Variants in FRMD4A observed in about 807,000 individuals in gnomAD.
FRMD4A encodes FERM domain-containing protein 4A.
In FRMD4A, 29 loss-of-function variants were observed where a neutral mutation model predicts 129.1. The ratio of observed to expected loss-of-function variants is 0.22; its 90% CI spans 0.17 to 0.31. The LOEUF (loss-of-function observed/expected upper bound fraction) is 0.31. Among genes scored for constraint, FRMD4A ranks in the 10% least tolerant of loss-of-function variants. The pLI is 1.00. For synonymous variants in FRMD4A, 634 were observed against 571.6 expected, an observed-to-expected ratio of 1.11 and a Z score of -1.56; for missense variants, 1,272 against 1,375.8, an observed-to-expected ratio of 0.92 and a Z score of 1.19.
intron 2 of FRMD4A, among the ~76,000 whole-genome samples, chr10:13,997,362 C>A (rs192959090): frequency 6.6e-6 from 1 of 152,292 alleles, no homozygotes; most frequent in East Asian, 1.9e-4. Flanking sequence ...GTGTCCAGGA[C>A]TGACCTTAGG....
intron 18 of FRMD4A, among the ~76,000 whole-genome samples, chr10:13,664,956 C>T (rs2082904374): frequency 6.6e-6 from 1 of 152,194 alleles, no homozygotes; most frequent in Non-Finnish European, 1.5e-5. Flanking sequence ...AATCTCAGCT[C>T]ACTGCAACCT....
At chr10:14,180,586 A>G (rs1314165489) in intron 2 of FRMD4A, among the ~76,000 whole-genome samples, 1 of 152,246 alleles carries the variant, frequency 6.6e-6, no homozygotes, top group African/African-American at 2.4e-5. Context: ...CTACATCAGC[A>G]AAACTCTACA....
intron 2 of FRMD4A, among the ~76,000 whole-genome samples, chr10:14,086,256 A>C (rs951719101): frequency 6.6e-6 from 1 of 152,208 alleles, no homozygotes; most frequent in Non-Finnish European, 1.5e-5. Context: ...GGTAATAAAA[A>C]AAATCTTTCA....
At chr10:14,285,588 T>A (rs922529311) in intron 2 of FRMD4A, among the ~76,000 whole-genome samples, 6 of 152,240 alleles carry the variant, frequency 3.9e-5, no homozygotes, top group Non-Finnish European at 8.8e-5. Context: ...TACCACATGC[T>A]GTGAGACTAT....
chr10:13,817,977 T>C (rs1421127201), intron 3 of FRMD4A, among the ~76,000 whole-genome samples: 1 of 152,202 alleles, frequency 6.6e-6, no homozygotes, highest in Non-Finnish European at 1.5e-5. Context: ...TATCAAGCTC[T>C]AAATGCTAGC....
chr10:13,913,513 G>A (rs570850455), intron 2 of FRMD4A, among the ~76,000 whole-genome samples: 17 of 152,272 alleles, frequency 1.1e-4, no homozygotes, highest in East Asian at 5.8e-4. Context: ...TTCAGGCCAC[G>A]TCTTTTGATC....
At chr10:13,715,596 A>C (rs2088701000) in intron 12 of FRMD4A, among the ~76,000 whole-genome samples, 1 of 152,138 alleles carries the variant, frequency 6.6e-6, no homozygotes, top group African/African-American at 2.4e-5. Context: ...GGTGCCTGGT[A>C]CATAGTGCTG....
chr10:13,808,358 G>GTTTT (rs2093392199), intron 4 of FRMD4A, among the ~76,000 whole-genome samples: 1 of 152,166 alleles, frequency 6.6e-6, no homozygotes, highest in Admixed American at 6.5e-5. Context: ...TGCAGAATTA[G>GTTTT]AAAACACGGT....
chr10:13,748,726 A>G (rs984965667), intron 8 of FRMD4A, among the ~76,000 whole-genome samples: 2 of 152,026 alleles, frequency 1.3e-5, no homozygotes, highest in African/African-American at 4.8e-5. Context: ...TTTGAGTGCC[A>G]ACATGACGCT....
intron 2 of FRMD4A, among the ~76,000 whole-genome samples, chr10:13,936,654 T>C (rs2095251632): frequency 6.6e-6 from 1 of 152,204 alleles, no homozygotes; most frequent in Admixed American, 6.5e-5. Flanking sequence ...CCCACCTTGA[T>C]CTTGGACTTC....
chr10:14,201,552 C>A (rs558600870), intron 2 of FRMD4A, among the ~76,000 whole-genome samples: 10 of 152,292 alleles, frequency 6.6e-5, no homozygotes, highest in African/African-American at 2.4e-4. Flanking sequence ...CTCTCCCATT[C>A]GCTTTTCTGC....
intron 2 of FRMD4A, among the ~76,000 whole-genome samples, chr10:14,178,438 T>A (rs1841804989): frequency 1.3e-5 from 2 of 152,250 alleles, no homozygotes; most frequent in African/African-American, 4.8e-5. Flanking sequence ...GATAAACATT[T>A]ACAAAATGGA....
intron 2 of FRMD4A, among the ~76,000 whole-genome samples, chr10:13,869,770 C>T (rs1043752697): frequency 5.9e-5 from 9 of 152,176 alleles, no homozygotes; most frequent in African/African-American, 1.2e-4. Flanking sequence ...TTTCTGAAAA[C>T]GGGATTTTCT....
At chr10:13,780,412 C>T (rs2092705235) in intron 6 of FRMD4A, among the ~76,000 whole-genome samples, 1 of 152,008 alleles carries the variant, frequency 6.6e-6, no homozygotes, top group African/African-American at 2.4e-5. Flanking sequence ...GAGGTGTGTG[C>T]TGTAAAGGGG....
rs1002476372 is a variant in FRMD4A, at chr10:13,822,765, A to T, written c.112-11857T>A. Reference sequence around the variant, plus strand: ...GCCTGTGACAGATACTTGTGTCCCCAGGAAAGGATATGTCATGTCCCTATT... The same window carrying T: ...GCCTGTGACAGATACTTGTGTCCCCTGGAAAGGATATGTCATGTCCCTATT... On this transcript the variant is annotated intron_variant, in intron 3 of 24. Transcript: ENST00000357447. 2.9e-4 allele frequency among the ~76,000 whole-genome samples: 44 copies of T among 152,152 alleles called. 1 individual carries two copies. Among genetic ancestry groups the T allele is most frequent in the Admixed American group, 6.5e-5 (1 of 15,278 alleles).
intron 8 of FRMD4A, among the ~76,000 whole-genome samples, chr10:13,748,106 G>C (rs1372183946): frequency 1.3e-5 from 2 of 152,198 alleles, no homozygotes; most frequent in African/African-American, 4.8e-5. Flanking sequence ...GAAGGGCACA[G>C]AGTGAACGCC....
At chr10:14,136,921 C>T (rs71479860) in intron 2 of FRMD4A, among the ~76,000 whole-genome samples, 2,074 of 152,304 alleles carry the variant, frequency 0.014, 20 homozygotes, top group Admixed American at 0.024. Flanking sequence ...AGGTAATTAA[C>T]GCCAAATTGT....
chr10:14,142,159 T>TTTG (rs1554769166), intron 2 of FRMD4A, among the ~76,000 whole-genome samples: 28 of 152,176 alleles, frequency 1.8e-4, no homozygotes, highest in African/African-American at 5.8e-4. Flanking sequence ...AAGTTTTTTT[T>TTTG]TTGTTGTTTT....
Position 13,659,372 on chromosome 10 carries a change from A to G in FRMD4A, c.2017T>C (p.Ser673Pro). The G allele has an allele frequency of 1.2e-6, 2 of 1,614,146 alleles. No homozygotes were observed. The highest frequency in any genetic ancestry group is 1.7e-6 in the Non-Finnish European group (2 of 1,179,984). Residue 673 changes from serine to proline, a missense_variant, in exon 21 of 25, where the codon TCC (serine) becomes CCC (proline). Coordinates refer to ENST00000357447, the MANE Select transcript of FRMD4A (RefSeq NM_018027.5). ...CTCCGGACCCGCAGGTCTGGCGTGG[A>G]CGGCATGCTGGACTGGGAGTTCCAG... Reference protein sequence around the residue: ...PHWNSQSSMPSTPDLRVRSPH... With the variant: ...PHWNSQSSMPPTPDLRVRSPH...
Sources: gnomAD v4.1 joint callset for allele counts (sites outside exome capture counted in the v4.1 genomes callset) on GRCh38, gnomAD v4.1.1 for gene constraint, MANE v1.5 for transcripts, NCBI Gene and HGNC (gene_info 2026-07-23, HGNC 2026-07-21) for gene names.